ADAMTS18: variants seen among roughly 807,000 people sequenced by gnomAD.
ADAMTS18 encodes the protein A disintegrin and metalloproteinase with thrombospondin motifs 18.
In ADAMTS18, 157 loss-of-function variants were observed where a neutral mutation model predicts 165.9. That is an observed-to-expected ratio of 0.95 (90% CI 0.83 to 1.08). The LOEUF is 1.08. Among genes scored for constraint, ADAMTS18 ranks in the 50% least tolerant of loss-of-function variants. The pLI, the probability that ADAMTS18 is intolerant of heterozygous loss-of-function variation, is 0.00. For synonymous variants in ADAMTS18, 782 were observed against 578.2 expected, an observed-to-expected ratio of 1.35 and a Z score of -5.06; for missense variants, 2,040 against 1,534.0, an observed-to-expected ratio of 1.33 and a Z score of -5.51.
At chr16:77,418,198 C>A (rs985099836) in intron 3 of ADAMTS18, among the ~76,000 whole-genome samples, 2 of 152,132 alleles carry the variant, frequency 1.3e-5, no homozygotes, top group Non-Finnish European at 2.9e-5. Context: ...CCACACACAC[C>A]ATTCATACAT....
chr16:77,356,649 C>T (rs1234905121), intron 8 of ADAMTS18, among the ~76,000 whole-genome samples: 1 of 152,044 alleles, frequency 6.6e-6, no homozygotes, highest in Non-Finnish European at 1.5e-5. Context: ...ATGCTTGAAC[C>T]CCTTTATTGA....
intron 3 of ADAMTS18, among the ~76,000 whole-genome samples, chr16:77,402,599 A>C (rs984982137): frequency 6.6e-6 from 1 of 152,244 alleles, no homozygotes; most frequent in African/African-American, 2.4e-5. Context: ...CAGAATGTAA[A>C]TAACTTTTAA....
At chr16:77,292,041 C>G (rs1349727635) in intron 20 of ADAMTS18, among the ~76,000 whole-genome samples, 3 of 152,116 alleles carry the variant, frequency 2.0e-5, no homozygotes, top group Non-Finnish European at 4.4e-5. Flanking sequence ...TGCAGTGGCT[C>G]AGGCCTGTAA....
chr16:77,389,020 C>T (rs1308145849), intron 3 of ADAMTS18, among the ~76,000 whole-genome samples: 1 of 152,206 alleles, frequency 6.6e-6, no homozygotes, highest in African/African-American at 2.4e-5. Context: ...CAAGAGTAGG[C>T]TGGGCACAGT....
intron 3 of ADAMTS18, among the ~76,000 whole-genome samples, chr16:77,391,063 T>A (rs567427317): frequency 6.6e-6 from 1 of 152,332 alleles, no homozygotes; most frequent in East Asian, 1.9e-4. Flanking sequence ...CATTTTGTTT[T>A]TCCTTTTCAT....
chr16:77,423,765 A>G (rs1361144061), intron 3 of ADAMTS18, among the ~76,000 whole-genome samples: 3 of 152,112 alleles, frequency 2.0e-5, no homozygotes, highest in African/African-American at 2.4e-5. Flanking sequence ...TTTATAAAGT[A>G]ATGGTTACTT....
At chr16:77,293,330 A>C in intron 19 of ADAMTS18, 72 bp from the exon 20 acceptor site, 6 of 1,243,466 alleles carry the variant, frequency 4.8e-6, no homozygotes, top group Non-Finnish European at 7.0e-6. Flanking sequence ...AAAAAACAAC[A>C]CACTAAATAT....
chr16:77,406,272 A>T (rs758611298), intron 3 of ADAMTS18, among the ~76,000 whole-genome samples: 2 of 152,168 alleles, frequency 1.3e-5, no homozygotes, highest in Non-Finnish European at 2.9e-5. Context: ...GTCAAAATAG[A>T]TGCTGAAAAT....
Position 77,362,256 on chromosome 16 carries a change from T to G in ADAMTS18, c.1065A>C (p.Leu355Phe). The G allele has an allele frequency of 6.2e-7, 1 of 1,614,152 alleles. No homozygotes were observed. The highest frequency in any genetic ancestry group is 8.5e-7 in the Non-Finnish European group (1 of 1,180,020). The change falls in exon 7 of 23, where the codon TTA becomes TTC. Residue 355 changes from leucine (L) to phenylalanine (F), a missense_variant. Coordinates refer to ENST00000282849, the MANE Select transcript of ADAMTS18 (RefSeq NM_199355.4). Reference sequence around the variant, plus strand: ...ACTGGTCTGCATGATGGTTGATCAATAATCCTCCCTATGGGAAACCCACAC... The same window carrying G: ...ACTGGTCTGCATGATGGTTGATCAAGAATCCTCCCTATGGGAAACCCACAC... The part of the protein sequence containing the change: ...LILLEQEPGG[L>F]LINHHADQSL...
intron 2 of ADAMTS18, chr16:77,433,576 C>CT (rs1597271018): frequency 1.3e-5 from 2 of 152,266 alleles, no homozygotes; most frequent in East Asian, 3.9e-4. Flanking sequence ...TGCAGCCTCT[C>CT]TGTTTGGACA....
chr16:77,403,353 G>A (rs1455477405), intron 3 of ADAMTS18, among the ~76,000 whole-genome samples: 1 of 144,534 alleles, frequency 6.9e-6, no homozygotes, highest in Admixed American at 6.9e-5. Flanking sequence ...GAGGTAGGCA[G>A]TATGAAGAGT....
chr16:77,367,819 T>C (rs1349282619), intron 3 of ADAMTS18, 96 bp from the exon 4 acceptor site: 1 of 1,405,078 alleles, frequency 7.1e-7, no homozygotes, highest in Non-Finnish European at 1.0e-6. Flanking sequence ...TTCCTGTATG[T>C]GGGCACAGGA....
intron 3 of ADAMTS18, among the ~76,000 whole-genome samples, chr16:77,374,448 A>G (rs2056921242): frequency 6.6e-6 from 1 of 152,178 alleles, no homozygotes; most frequent in African/African-American, 2.4e-5. Flanking sequence ...CAGGAAGCAC[A>G]GGCAGAATTT....
intron 7 of ADAMTS18, 61 bp downstream of exon 7, chr16:77,362,044 A>T (rs897430356): frequency 6.3e-7 from 1 of 1,579,852 alleles, no homozygotes; most frequent in East Asian, 2.2e-5. Flanking sequence ...TCATCCATAG[A>T]AAGTTTCCAT....
intron 3 of ADAMTS18, among the ~76,000 whole-genome samples, chr16:77,370,805 A>ATG: frequency 6.6e-6 from 1 of 151,600 alleles, no homozygotes; most frequent in East Asian, 1.9e-4. Flanking sequence ...ATATATATAT[A>ATG]TACATATACA....
Position 77,321,222 on chromosome 16 carries a change from C to T in ADAMTS18, c.2164-20G>A, listed in dbSNP as rs369295161. On this transcript the variant is annotated intron_variant, in intron 14 of 22. Transcript: ENST00000282849. ...CACTAGCTGTGACAAAAACAAAAAA[C>T]GTGAGAAAATAAAAGATCAGAGAAG... is the stretch of plus-strand genomic sequence containing the variant. 2.2e-5 allele frequency: 36 copies of T among 1,613,868 alleles called. No individual in the cohort carries two copies. The highest frequency in any genetic ancestry group is 4.5e-5 in the East Asian group (2 of 44,866).
At chr16:77,315,502 T>C (rs1450632548) in intron 16 of ADAMTS18, among the ~76,000 whole-genome samples, 1 of 152,168 alleles carries the variant, frequency 6.6e-6, no homozygotes. Context: ...CGCCTGTGGG[T>C]GTGCAGGTGC....
chr16:77,429,250 C>T (rs938763925), intron 3 of ADAMTS18, among the ~76,000 whole-genome samples: 1 of 152,176 alleles, frequency 6.6e-6, no homozygotes, highest in Non-Finnish European at 1.5e-5. Context: ...GAATACTATG[C>T]AACCATAAAA....
In ADAMTS18 at chr16:77,389,265, A is replaced by G. The variant is rs533206809; in HGVS notation, c.496-21542T>C. Among the ~76,000 whole-genome samples, 3 of 152,346 alleles carry G rather than the reference A, an allele frequency of 2.0e-5. No individual in the cohort carries two copies. In the South Asian group the frequency reaches 6.2e-4, roughly 32 times the overall value. The stretch of plus-strand genomic sequence containing the variant: ...GTCTTCAGTGAGCCTTGATGGTGCC[A>G]CTGCACTCCAGTCTAGGCGACAGAG... On this transcript the variant is annotated intron_variant, in intron 3 of 22. Transcript: ENST00000282849.
Sources: allele counts gnomAD v4.1 joint callset (sites outside exome capture counted in the v4.1 genomes callset), GRCh38; gene constraint gnomAD v4.1.1; transcripts MANE v1.5; gene names NCBI Gene and HGNC (gene_info 2026-07-23, HGNC 2026-07-21).